CATSPERT: variants seen among roughly 807,000 people sequenced by gnomAD.
The protein encoded by CATSPERT is cation channel sperm-associated targeting subunit tau.
At chr2:201,576,072 T>C in the CATSPERT span, among the ~76,000 whole-genome samples, 3 of 152,318 alleles carry the variant, frequency 2.0e-5, no homozygotes, top group Admixed American at 6.5e-5. Context: ...TAGACAAAAA[T>C]GTTCCTGCTA....
the CATSPERT span, chr2:201,491,020 G>T: frequency 1.4e-6 from 1 of 691,918 alleles, no homozygotes; most frequent in South Asian, 2.7e-5. Context: ...ACCACACCTG[G>T]TCTTTCAGAG....
At chr2:201,583,385 GAGT>G in the CATSPERT span, among the ~76,000 whole-genome samples, 7 of 152,324 alleles carry the variant, frequency 4.6e-5, no homozygotes, top group South Asian at 1.4e-3. Flanking sequence ...TTGTACTGCT[GAGT>G]AGAACGGAGT....
the CATSPERT span, among the ~76,000 whole-genome samples, chr2:201,507,756 TCA>T: frequency 6.6e-6 from 1 of 152,178 alleles, no homozygotes; most frequent in Non-Finnish European, 1.5e-5. Flanking sequence ...TTTAATTGAC[TCA>T]CAGTTCCACA....
At chr2:201,507,333 A>G in the CATSPERT span, among the ~76,000 whole-genome samples, 1 of 152,354 alleles carries the variant, frequency 6.6e-6, no homozygotes, top group East Asian at 1.9e-4. Context: ...AACAGGAGCT[A>G]TGAAATATTA....
the CATSPERT span, among the ~76,000 whole-genome samples, chr2:201,604,009 T>G: frequency 6.6e-6 from 1 of 152,194 alleles, no homozygotes; most frequent in African/African-American, 2.4e-5. Context: ...TAACTGTAAA[T>G]GAATGTCATA....
At chr2:201,559,593 T>TC in the CATSPERT span, among the ~76,000 whole-genome samples, 1 of 152,142 alleles carries the variant, frequency 6.6e-6, no homozygotes. Flanking sequence ...AGTGAGACCA[T>TC]CCCTGACAAA....
chr2:201,596,594 C>T, the CATSPERT span, among the ~76,000 whole-genome samples: 3 of 152,300 alleles, frequency 2.0e-5, no homozygotes, highest in Non-Finnish European at 4.4e-5. Flanking sequence ...ATATTTCCTC[C>T]TCTCTTCCTC....
the CATSPERT span, among the ~76,000 whole-genome samples, chr2:201,551,922 A>G: frequency 1.3e-5 from 2 of 151,506 alleles, no homozygotes; most frequent in Non-Finnish European, 2.9e-5. Context: ...AAAAAAAAAA[A>G]AGTGATCTCT....
At chr2:201,520,644 T>C in the CATSPERT span, among the ~76,000 whole-genome samples, 2 of 152,124 alleles carry the variant, frequency 1.3e-5, no homozygotes, top group Admixed American at 1.3e-4. Context: ...TCCCAGCACT[T>C]TGGGAGGCTG....
At chr2:201,584,570 G>A in the CATSPERT span, among the ~76,000 whole-genome samples, 1 of 151,960 alleles carries the variant, frequency 6.6e-6, no homozygotes. Context: ...GAATCACAAG[G>A]TCAGGAGTTC....
the CATSPERT span, among the ~76,000 whole-genome samples, chr2:201,513,408 T>C: frequency 3.3e-5 from 5 of 152,176 alleles, no homozygotes; most frequent in African/African-American, 7.2e-5. Context: ...AGAATGGCTA[T>C]TATTAAAATG....
At chr2:201,514,950 A>T in the CATSPERT span, among the ~76,000 whole-genome samples, 2 of 151,650 alleles carry the variant, frequency 1.3e-5, no homozygotes, top group African/African-American at 4.8e-5. Flanking sequence ...ATGGCTGCCA[A>T]TTTTTTTTGC....
At chr2:201,556,367 G>C in the CATSPERT span, among the ~76,000 whole-genome samples, 1 of 152,258 alleles carries the variant, frequency 6.6e-6, no homozygotes, top group East Asian at 1.9e-4. Context: ...AAATTAGCCA[G>C]GGGTGGTGGC....
the CATSPERT span, chr2:201,552,972 A>G: frequency 6.6e-6 from 1 of 152,262 alleles, no homozygotes; most frequent in Non-Finnish European, 1.5e-5. Context: ...CTTTAACTTG[A>G]TTATTTTATT....
chr2:201,501,174 G>A, the CATSPERT span, among the ~76,000 whole-genome samples: 1 of 151,914 alleles, frequency 6.6e-6, no homozygotes. Context: ...CAAAGTGGGC[G>A]GATCACCTGA....
the CATSPERT span, among the ~76,000 whole-genome samples, chr2:201,571,510 T>G: frequency 6.6e-6 from 1 of 152,188 alleles, no homozygotes; most frequent in Non-Finnish European, 1.5e-5. Context: ...TACAGATGAT[T>G]TTGTAGCAAT....
At chr2:201,612,348 TG>T in the CATSPERT span, among the ~76,000 whole-genome samples, 1 of 151,770 alleles carries the variant, frequency 6.6e-6, no homozygotes, top group Non-Finnish European at 1.5e-5. Context: ...GCCAGGTGGG[TG>T]GATCACCTGA....
the CATSPERT span, chr2:201,493,556 T>C: frequency 1.3e-6 from 2 of 1,536,922 alleles, no homozygotes; most frequent in Non-Finnish European, 1.7e-6. Context: ...GCTTGTATTA[T>C]CTGGCTTGTA....
At chr2:201,601,847 G>A in the CATSPERT span, 2 of 1,605,744 alleles carry the variant, frequency 1.2e-6, no homozygotes, top group Non-Finnish European at 1.7e-6. Context: ...TGTTTATAGA[G>A]ATGCGAATGA....
Sources: gnomAD v4.1 joint callset for allele counts (sites outside exome capture counted in the v4.1 genomes callset) on GRCh38, gnomAD v4.1.1 for gene constraint, MANE v1.5 for transcripts, NCBI Gene and HGNC (gene_info 2026-07-23, HGNC 2026-07-21) for gene names.